Variants in TMEM60 observed in about 807,000 individuals in gnomAD.
TMEM60 encodes chromosome 7 open reading frame 35.
TMEM60 carries 4 observed loss-of-function variants against 10.7 expected under a neutral mutation model. The observed-to-expected ratio is 0.37, with a 90% CI of 0.18 to 0.86. The LOEUF is 0.86. TMEM60 is among the 40% of genes least tolerant of loss of function. TMEM60 has a pLI of 0.43. For missense variants in TMEM60, 128 were observed against 153.4 expected, an observed-to-expected ratio of 0.83 and a Z score of 0.88; for synonymous variants, 56 against 58.1, an observed-to-expected ratio of 0.96 and a Z score of 0.17.
rs148212845 is a variant in TMEM60 at position 77,796,204 on chromosome 7, T to C, written c.-50-1781A>G. 1.6e-3 allele frequency among the ~76,000 whole-genome samples: 238 copies of C among 152,206 alleles called. 1 individual carries two copies. Among genetic ancestry groups the C allele is most frequent in the African/African-American group, 5.2e-3 (217 of 41,522 alleles). ...CCACCCACCTCAGCCTCCCAAAGTG[T>C]TGGGATTACAGGTTTGAGCCACCAC... On this transcript the variant is annotated intron_variant, in intron 1 of 1. Transcript: ENST00000257663.
At chr7:77,795,283 T>C (rs1161339447) in intron 1 of TMEM60, among the ~76,000 whole-genome samples, 1 of 152,134 alleles carries the variant, frequency 6.6e-6, no homozygotes, top group African/African-American at 2.4e-5. Context: ...ACTTTGGGAC[T>C]CTAAGGCAGG....
intron 1 of TMEM60, among the ~76,000 whole-genome samples, chr7:77,797,540 T>C (rs185161162): frequency 6.6e-6 from 1 of 152,316 alleles, no homozygotes. Context: ...CTTCATCAAT[T>C]TGAGCAGTCG....
intron 1 of TMEM60, among the ~76,000 whole-genome samples, chr7:77,796,943 C>T (rs1038210043): frequency 6.6e-6 from 1 of 152,202 alleles, no homozygotes; most frequent in South Asian, 2.1e-4. Context: ...TCTCCTAACT[C>T]ACCTCTTTTC....
intron 1 of TMEM60, 33 bp from the exon 2 acceptor site, chr7:77,794,456 G>T: frequency 7.4e-7 from 1 of 1,356,978 alleles, no homozygotes; most frequent in Non-Finnish European, 9.6e-7. Flanking sequence ...AGATTGTTTT[G>T]ATACCAGAAA....
chr7:77,796,722 A>T (rs1182420991), intron 1 of TMEM60, among the ~76,000 whole-genome samples: 1 of 152,236 alleles, frequency 6.6e-6, no homozygotes, highest in East Asian at 1.9e-4. Flanking sequence ...ATAGGAACAA[A>T]AGCATGCGTG....
chr7:77,798,083 G>A (rs927368187), intron 1 of TMEM60, among the ~76,000 whole-genome samples, 171 bp downstream of exon 1: 2 of 152,336 alleles, frequency 1.3e-5, no homozygotes, highest in Admixed American at 6.5e-5. Flanking sequence ...GCACATGCTG[G>A]AGTTTAACAC....
At chr7:77,796,877 G>A (rs972083038) in intron 1 of TMEM60, among the ~76,000 whole-genome samples, 4 of 152,148 alleles carry the variant, frequency 2.6e-5, no homozygotes, top group African/African-American at 9.7e-5. Context: ...TAAATAGTGG[G>A]TGGCTATCAC....
intron 1 of TMEM60, among the ~76,000 whole-genome samples, chr7:77,796,977 T>G (rs769470247): frequency 3.3e-5 from 5 of 152,236 alleles, no homozygotes; most frequent in Non-Finnish European, 5.9e-5. Flanking sequence ...TAGTGGCACT[T>G]AAACTTGTTT....
chr7:77,794,167 A>G lies in TMEM60; in HGVS notation c.207T>C (p.His69=), dbSNP rs1283123893. 1.9e-6 allele frequency: 3 copies of G among 1,613,304 alleles called. No individual in the cohort carries two copies. The highest frequency in any genetic ancestry group is 2.5e-6 in the Non-Finnish European group (3 of 1,179,890). ...CTTTTTTTTTAATATTGTGTGATCC[A>G]TGTCGAGGGTCAAAGCCAGACTTAC... ...GRCKSGFDPR[H]GSHNIKKKAW... is the part of the protein sequence containing the mutation. Residue 69 remains histidine (H), a synonymous_variant, in exon 2 of 2, where the codon CAT becomes CAC. Coordinates refer to ENST00000257663, the MANE Select transcript of TMEM60 (RefSeq NM_032936.4).
At chr7:77,797,119 G>C (rs80076402) in intron 1 of TMEM60, among the ~76,000 whole-genome samples, 47 of 152,284 alleles carry the variant, frequency 3.1e-4, no homozygotes, top group African/African-American at 1.0e-3. Flanking sequence ...CAGGGTTGGA[G>C]GGGTGTGTGT....
At chr7:77,797,345 G>T (rs1301776168) in intron 1 of TMEM60, among the ~76,000 whole-genome samples, 2 of 152,198 alleles carry the variant, frequency 1.3e-5, no homozygotes, top group African/African-American at 4.8e-5. Context: ...GTGAAAGGAT[G>T]CAAGTAACAA....
chr7:77,794,690 C>T (rs1792149873), intron 1 of TMEM60, among the ~76,000 whole-genome samples: 1 of 152,192 alleles, frequency 6.6e-6, no homozygotes, highest in African/African-American at 2.4e-5. Flanking sequence ...AGTGCTATCA[C>T]TCGAGTCCAG....
chr7:77,793,858 A>C lies in TMEM60; in HGVS notation c.*114T>G, dbSNP rs867419612. 1.6e-6 allele frequency: 2 copies of C among 1,213,064 alleles called. No homozygotes were observed. The highest frequency in any genetic ancestry group is 2.0e-4 in the Middle Eastern group (1 of 4,980). The allele number at this position is 1,213,064 out of a possible 1,614,324, so 75.1% of individuals were successfully genotyped here. On this transcript the variant is annotated 3_prime_UTR_variant, in exon 2 of 2. Transcript: ENST00000257663. ...TCCTGTTTTATGGAAGTAGTATAAA[A>C]CTACATTTGGTATTTTCCCTCAGTT...
intron 1 of TMEM60, among the ~76,000 whole-genome samples, chr7:77,795,210 G>T (rs1229050340): frequency 6.6e-6 from 1 of 152,030 alleles, no homozygotes; most frequent in Non-Finnish European, 1.5e-5. Context: ...AAAATCACAA[G>T]AATATAAAGT....
Position 77,793,817 on chromosome 7 carries a change from G to C in TMEM60, c.*155C>G. 1 of 753,142 alleles carries C rather than the reference G, an allele frequency of 1.3e-6. No homozygotes were observed. The highest frequency in any genetic ancestry group is 2.0e-6 in the Non-Finnish European group (1 of 503,424). 46.7% of individuals were successfully genotyped at this position (753,142 alleles called of 1,614,324 possible). A position where few individuals can be genotyped will look rare whatever the true frequency, so the allele number is the denominator to read the frequency against. On this transcript the variant is annotated 3_prime_UTR_variant, in exon 2 of 2. Transcript: ENST00000257663. ...TAATTAAGCTGTAGGTTGACTAGAAGTCCGTGATTCACCAATCCTGTTTTA... is the reference window on the plus strand; with the variant it reads ...TAATTAAGCTGTAGGTTGACTAGAACTCCGTGATTCACCAATCCTGTTTTA...
In TMEM60 at chr7:77,794,103, A is replaced by C; in HGVS notation, c.271T>G (p.Cys91Gly). Reference protein sequence around the residue: ...LIAMLLKLAFCLALCAKLEQF... With the variant: ...LIAMLLKLAFGLALCAKLEQF... The stretch of plus-strand genomic sequence containing the variant: ...TCCAGTTTAGCACAGAGTGCGAGGC[A>C]GAAGGCTAATTTAAGTAACATTGCA... The change falls in exon 2 of 2, where the codon TGC (cysteine) becomes GGC (glycine). Residue 91 changes from cysteine to glycine, a missense_variant. Transcript: ENST00000257663. The C allele has an allele frequency of 6.2e-7, 1 of 1,614,202 alleles. No individual in the cohort carries two copies. The highest frequency in any genetic ancestry group is 2.2e-5 in the East Asian group (1 of 44,882).
At chr7:77,795,411 G>C (rs1035754364) in intron 1 of TMEM60, among the ~76,000 whole-genome samples, 13 of 151,878 alleles carry the variant, frequency 8.6e-5, no homozygotes, top group African/African-American at 2.9e-4. Context: ...CCTGCTACTC[G>C]CGAGGCTGAA....
rs1364181362 is a variant in TMEM60, at chr7:77,793,995, T to C, written c.379A>G (p.Asn127Asp). The change falls in exon 2 of 2, where the codon AAT becomes GAT. Residue 127 changes from asparagine to aspartate, a missense_variant. Coordinates refer to ENST00000257663, the MANE Select transcript of TMEM60 (RefSeq NM_032936.4). ...AGTCAGTCTCTCACAAAAAAGACAT[T>C]ATATCCGAGTTCTGTTAAAGCCCCA... ...LAGALTELGY[N>D]VFFVRD 6.3e-7 allele frequency: 1 copy of C among 1,578,156 alleles called. No individual in the cohort carries two copies. Among genetic ancestry groups the C allele is most frequent in the Admixed American group, 2.0e-5 (1 of 50,766 alleles).
At chr7:77,794,832 G>A (rs1402987872) in intron 1 of TMEM60, among the ~76,000 whole-genome samples, 1 of 152,112 alleles carries the variant, frequency 6.6e-6, no homozygotes, top group African/African-American at 2.4e-5. Flanking sequence ...GTGAAAGGTG[G>A]GTATCAAGCT....
Sources: gnomAD v4.1 joint callset for allele counts (sites outside exome capture counted in the v4.1 genomes callset) on GRCh38, gnomAD v4.1.1 for gene constraint, MANE v1.5 for transcripts, NCBI Gene and HGNC (gene_info 2026-07-23, HGNC 2026-07-21) for gene names.